Variants in STXBP5 observed in about 807,000 individuals in gnomAD.
STXBP5 encodes syntaxin-binding protein 5.
A neutral mutation model predicts 152.4 loss-of-function variants in STXBP5; 50 were observed. The ratio of observed to expected loss-of-function variants is 0.33; its 90% CI spans 0.26 to 0.42. The LOEUF is 0.42. Among genes scored for constraint, STXBP5 ranks in the 10% least tolerant of loss-of-function variants. The pLI is 1.00. For synonymous variants in STXBP5, 492 were observed against 494.7 expected (o/e 0.99, Z 0.07); for missense variants, 1,167 against 1,388.6 (o/e 0.84, Z 2.54).
intron 18 of STXBP5, among the ~76,000 whole-genome samples, chr6:147,330,346 T>C (rs1783504791): frequency 6.6e-6 from 1 of 152,066 alleles, no homozygotes; most frequent in Non-Finnish European, 1.5e-5. Flanking sequence ...ACTAAGTAAC[T>C]GAGTGCTACA....
chr6:147,253,647 A>G (rs1316752723), intron 4 of STXBP5, among the ~76,000 whole-genome samples: 1 of 152,188 alleles, frequency 6.6e-6, no homozygotes, highest in African/African-American at 2.4e-5. Context: ...AAGCATTCCT[A>G]GACAAATAGA....
chr6:147,360,612 T>G (rs1028120193), intron 23 of STXBP5, among the ~76,000 whole-genome samples: 1 of 152,162 alleles, frequency 6.6e-6, no homozygotes, highest in African/African-American at 2.4e-5. Flanking sequence ...AACAGAAAAG[T>G]GCATTTTTAA....
At chr6:147,381,616 A>C (rs568308463) in intron 26 of STXBP5, among the ~76,000 whole-genome samples, 1 of 152,318 alleles carries the variant, frequency 6.6e-6, no homozygotes, top group African/African-American at 2.4e-5. Context: ...ATAGCCAAAA[A>C]GTGGAAACAA....
chr6:147,341,252 CA>C (rs1252975141), intron 21 of STXBP5, among the ~76,000 whole-genome samples: 2 of 152,070 alleles, frequency 1.3e-5, no homozygotes, highest in African/African-American at 2.4e-5. Context: ...TAAGAATTAG[CA>C]TAAAATATGC....
intron 9 of STXBP5, among the ~76,000 whole-genome samples, chr6:147,295,665 C>T (rs1228704368): frequency 5.9e-5 from 9 of 152,168 alleles, no homozygotes; most frequent in African/African-American, 2.2e-4. Context: ...GTGGGGAAAA[C>T]GTAAGCCATA....
intron 12 of STXBP5, 49 bp from the exon 13 acceptor site, chr6:147,314,215 G>A (rs747308139): frequency 6.9e-7 from 1 of 1,445,912 alleles, no homozygotes; most frequent in Admixed American, 1.7e-5. Context: ...ACACACGGAG[G>A]TATGTAGTAT....
intron 4 of STXBP5, among the ~76,000 whole-genome samples, chr6:147,257,497 T>C (rs1415350010): frequency 6.6e-6 from 1 of 152,022 alleles, no homozygotes; most frequent in African/African-American, 2.4e-5. Flanking sequence ...AAAACTTAAC[T>C]TGGTCTCTTG....
At chr6:147,312,052 A>G (rs910091123) in intron 11 of STXBP5, among the ~76,000 whole-genome samples, 1 of 152,178 alleles carries the variant, frequency 6.6e-6, no homozygotes. Flanking sequence ...TCTTCTCACT[A>G]GTGTCTATTC....
intron 1 of STXBP5, among the ~76,000 whole-genome samples, chr6:147,205,371 C>CATATATATATATATATATATATAT (rs66619063): frequency 2.8e-5 from 4 of 141,862 alleles, no homozygotes; most frequent in Non-Finnish European, 6.2e-5. Context: ...TAAAAGTGTG[C>CATATATATATATATATATATATAT]ATATATATAT....
At chr6:147,230,106 G>T (rs957311589) in intron 2 of STXBP5, among the ~76,000 whole-genome samples, 1 of 151,796 alleles carries the variant, frequency 6.6e-6, no homozygotes, top group Non-Finnish European at 1.5e-5. Flanking sequence ...TTCTACACCC[G>T]TTGAGATATG....
rs757158350 is a variant in STXBP5 at position 147,325,001 on chromosome 6, A to C, written c.1845A>C (p.Thr615=). The stretch of plus-strand genomic sequence containing the variant: ...TTAAACAGTCTCCAGGTTATCAAAC[A>C]GAACTAGTTATTCAGTTGGTTTGGG... The part of the protein sequence containing the change: ...SPLKQSPGYQ[T]ELVIQLVWVG... Residue 615 remains threonine, a synonymous_variant, in exon 17 of 28, where the codon ACA becomes ACC. Transcript: ENST00000321680. 1.3e-6 allele frequency: 2 copies of C among 1,597,876 alleles called. No individual in the cohort carries two copies. Among genetic ancestry groups the C allele is most frequent in the Non-Finnish European group, 1.7e-6 (2 of 1,170,214 alleles).
At chr6:147,334,113 A>G (rs1783713492) in intron 18 of STXBP5, 44 bp from the exon 19 acceptor site, 1 of 1,586,718 alleles carries the variant, frequency 6.3e-7, no homozygotes, top group Non-Finnish European at 8.6e-7. Context: ...AACTGCACTT[A>G]CATAAATGTA....
chr6:147,372,407 C>CT (rs869251731), intron 25 of STXBP5, among the ~76,000 whole-genome samples: 1 of 74,804 alleles, frequency 1.3e-5, no homozygotes, highest in African/African-American at 6.2e-5. Flanking sequence ...CGTCCTTTTC[C>CT]TTTTTTTTTT....
intron 6 of STXBP5, among the ~76,000 whole-genome samples, chr6:147,263,441 C>T (rs1210762680): frequency 6.6e-6 from 1 of 150,698 alleles, no homozygotes; most frequent in Non-Finnish European, 1.5e-5. Flanking sequence ...ATCCTCCTGC[C>T]TTGTAATCCC....
intron 9 of STXBP5, among the ~76,000 whole-genome samples, chr6:147,303,451 A>G (rs772802924): frequency 2.0e-5 from 3 of 152,196 alleles, no homozygotes; most frequent in Non-Finnish European, 4.4e-5. Flanking sequence ...TGAGTCAATT[A>G]AACCTCTTTT....
chr6:147,260,444 G>A (rs146351215), intron 4 of STXBP5, among the ~76,000 whole-genome samples, 171 bp from the exon 5 acceptor site: 5 of 152,224 alleles, frequency 3.3e-5, no homozygotes, highest in African/African-American at 1.2e-4. Context: ...TATGTTTGAT[G>A]TATAAGCTGA....
At chr6:147,331,534 G>T (rs1783568290) in intron 18 of STXBP5, among the ~76,000 whole-genome samples, 1 of 152,112 alleles carries the variant, frequency 6.6e-6, no homozygotes, top group Non-Finnish European at 1.5e-5. Flanking sequence ...CCCTCATGAA[G>T]TTGGTGTGAT....
chr6:147,373,079 T>C (rs1785634878), intron 25 of STXBP5, among the ~76,000 whole-genome samples: 1 of 152,120 alleles, frequency 6.6e-6, no homozygotes, highest in Admixed American at 6.6e-5. Flanking sequence ...TAAAAAGTTT[T>C]CTTCTTTCTG....
chr6:147,227,267 C>G (rs1351688219), intron 2 of STXBP5, among the ~76,000 whole-genome samples: 1 of 152,142 alleles, frequency 6.6e-6, no homozygotes, highest in African/African-American at 2.4e-5. Flanking sequence ...TAGAAACACT[C>G]TAAAGGTAAC....
Sources: allele counts gnomAD v4.1 joint callset (sites outside exome capture counted in the v4.1 genomes callset), GRCh38; gene constraint gnomAD v4.1.1; transcripts MANE v1.5; gene names NCBI Gene and HGNC (gene_info 2026-07-23, HGNC 2026-07-21).